Variants in PCDH9 observed in about 807,000 individuals in gnomAD.
PCDH9 encodes protocadherin-9.
PCDH9 carries 24 observed loss-of-function variants against 70.6 expected under a neutral mutation model. The observed-to-expected ratio is 0.34, with a 90% CI of 0.25 to 0.48. The LOEUF (loss-of-function observed/expected upper bound fraction) is 0.48. Ranked by LOEUF, PCDH9 falls within the 20% of genes least tolerant of loss-of-function variation. PCDH9 has a pLI of 0.99. For missense variants in PCDH9, 1,281 were observed against 1,503.6 expected (o/e 0.85, Z 2.45); for synonymous variants, 562 against 558.5 (o/e 1.01, Z -0.09).
At chr13:66,689,926 G>A (rs946428979) in intron 3 of PCDH9, among the ~76,000 whole-genome samples, 16 of 152,138 alleles carry the variant, frequency 1.1e-4, no homozygotes, top group Admixed American at 5.2e-4. Context: ...ACTATGCCTC[G>A]AGATATATCC....
intron 4 of PCDH9, among the ~76,000 whole-genome samples, chr13:66,334,180 T>C (rs1012674818): frequency 1.3e-5 from 2 of 152,050 alleles, no homozygotes; most frequent in African/African-American, 4.8e-5. Context: ...CCAACCTCTC[T>C]TCATCCCTCC....
intron 3 of PCDH9, among the ~76,000 whole-genome samples, chr13:66,642,845 A>AT (rs1466055699): frequency 1.3e-5 from 2 of 152,138 alleles, no homozygotes; most frequent in East Asian, 3.9e-4. Flanking sequence ...GTAGCTACGA[A>AT]TGAGGGCAAA....
intron 3 of PCDH9, among the ~76,000 whole-genome samples, chr13:66,770,735 A>G (rs2079794393): frequency 6.6e-6 from 1 of 152,216 alleles, no homozygotes; most frequent in African/African-American, 2.4e-5. Flanking sequence ...CTACTCATAT[A>G]GCAATAGCTC....
rs9564323 is a variant in PCDH9 at position 66,603,854 on chromosome 13, A to C, written c.3340+27356T>G. 1.4e-4 allele frequency among the ~76,000 whole-genome samples: 21 copies of C among 152,142 alleles called. No homozygotes were observed. The East Asian group carries it at 4.1e-3, about 30-fold the overall frequency. On this transcript the variant is annotated intron_variant, in intron 4 of 4. Coordinates refer to ENST00000377865, the MANE Select transcript of PCDH9 (RefSeq NM_203487.3). ...AGAGAAACATTTAATATTAGCAAACAAATCATCAGTACTAGAACATAAGAT... is the reference window on the plus strand; with the variant it reads ...AGAGAAACATTTAATATTAGCAAACCAATCATCAGTACTAGAACATAAGAT...
At chr13:66,656,261 C>G (rs1030401386) in intron 3 of PCDH9, among the ~76,000 whole-genome samples, 2 of 152,118 alleles carry the variant, frequency 1.3e-5, no homozygotes, top group East Asian at 3.9e-4. Flanking sequence ...CTACTGCTTT[C>G]AAAGTGGAGC....
intron 3 of PCDH9, among the ~76,000 whole-genome samples, chr13:66,698,561 G>T (rs76662013): frequency 0.017 from 2,583 of 152,126 alleles, 83 homozygotes; most frequent in African/African-American, 0.059. Flanking sequence ...AGATGGGAAA[G>T]AATTCCTATT....
chr13:66,558,647 C>T (rs778958370), intron 4 of PCDH9, among the ~76,000 whole-genome samples: 37 of 151,916 alleles, frequency 2.4e-4, no homozygotes, highest in Non-Finnish European at 4.9e-4. Context: ...GTCAGTTCCT[C>T]TGGAGCAACT....
intron 3 of PCDH9, among the ~76,000 whole-genome samples, chr13:66,713,598 GTA>G (rs1166700753): frequency 8.3e-6 from 1 of 119,836 alleles, no homozygotes; most frequent in Non-Finnish European, 1.7e-5. Context: ...TTGTGTTTGT[GTA>G]TATATATATA....
chr13:66,777,078 T>C (rs560534148), intron 3 of PCDH9, among the ~76,000 whole-genome samples: 1 of 150,054 alleles, frequency 6.7e-6, no homozygotes, highest in African/African-American at 2.4e-5. Flanking sequence ...GCTAGCCATA[T>C]GTAGAAAGCT....
At chr13:66,423,795 C>G (rs1688830493) in intron 4 of PCDH9, among the ~76,000 whole-genome samples, 1 of 152,150 alleles carries the variant, frequency 6.6e-6, no homozygotes, top group Admixed American at 6.5e-5. Context: ...TCTCACCACT[C>G]CTATTCAACA....
intron 4 of PCDH9, among the ~76,000 whole-genome samples, chr13:66,477,280 TCA>T (rs747712136): frequency 5.9e-5 from 9 of 152,234 alleles, no homozygotes; most frequent in Admixed American, 1.3e-4. Flanking sequence ...TTTCTGAAAC[TCA>T]GTTTGCTCAC....
intron 3 of PCDH9, among the ~76,000 whole-genome samples, chr13:66,654,965 A>G (rs1256181287): frequency 1.3e-5 from 2 of 152,008 alleles, no homozygotes; most frequent in Admixed American, 6.6e-5. Context: ...AGCTCAAGCA[A>G]TACACTCACC....
chr13:66,613,360 CT>C (rs1366236298), intron 4 of PCDH9, among the ~76,000 whole-genome samples: 5 of 152,212 alleles, frequency 3.3e-5, no homozygotes, highest in African/African-American at 1.2e-4. Context: ...ATTTTTAAAC[CT>C]TTTGTCTTGC....
chr13:66,616,229 C>G (rs990689910), intron 4 of PCDH9, among the ~76,000 whole-genome samples: 5 of 152,158 alleles, frequency 3.3e-5, no homozygotes, highest in African/African-American at 9.7e-5. Flanking sequence ...TAAACCTGTG[C>G]TTGGGCTCCA....
chr13:67,214,049 C>T (rs981402721), intron 2 of PCDH9: 5 of 152,024 alleles, frequency 3.3e-5, no homozygotes, highest in Non-Finnish European at 5.9e-5. Context: ...GATTTTGGCC[C>T]CAGGATATTA....
chr13:66,820,790 C>G (rs756828613), intron 3 of PCDH9, among the ~76,000 whole-genome samples: 1 of 152,028 alleles, frequency 6.6e-6, no homozygotes, highest in African/African-American at 2.4e-5. Context: ...TAAGTACGAG[C>G]TAAATTATGA....
At chr13:66,725,824 T>A (rs1364852384) in intron 3 of PCDH9, among the ~76,000 whole-genome samples, 1 of 152,130 alleles carries the variant, frequency 6.6e-6, no homozygotes. Context: ...AAGGCAATAA[T>A]CAATTTTATT....
chr13:66,626,819 A>G (rs2077505504), intron 4 of PCDH9, among the ~76,000 whole-genome samples: 2 of 152,222 alleles, frequency 1.3e-5, no homozygotes, highest in Non-Finnish European at 2.9e-5. Flanking sequence ...GCATGTAAAG[A>G]CTATCATCAT....
At chr13:66,931,936 G>A (rs1025476299) in intron 2 of PCDH9, among the ~76,000 whole-genome samples, 4 of 152,058 alleles carry the variant, frequency 2.6e-5, no homozygotes, top group Non-Finnish European at 5.9e-5. Context: ...AGGTACTAGA[G>A]TGCATATATG....
Sources: allele counts gnomAD v4.1 joint callset (sites outside exome capture counted in the v4.1 genomes callset), GRCh38; gene constraint gnomAD v4.1.1; transcripts MANE v1.5; gene names NCBI Gene and HGNC (gene_info 2026-07-23, HGNC 2026-07-21).